OPHN1: variants seen among roughly 807,000 people sequenced by gnomAD.
OPHN1 encodes the protein oligophrenin-1.
Under a neutral mutation model 60.7 loss-of-function variants are expected in OPHN1, and 11 were observed. The ratio of observed to expected loss-of-function variants is 0.18; its 90% CI spans 0.11 to 0.30. OPHN1 has a LOEUF of 0.30. OPHN1 is among the 10% of genes least tolerant of loss of function. The pLI, the probability that OPHN1 is intolerant of heterozygous loss-of-function variation, is 1.00. For missense variants in OPHN1, 449 were observed against 611.0 expected, an observed-to-expected ratio of 0.73 and a Z score of 2.80; for synonymous variants, 226 against 222.6, an observed-to-expected ratio of 1.02 and a Z score of -0.14.
intron 2 of OPHN1, among the ~76,000 whole-genome samples, chrX:68,377,955 A>T (rs1756778197): frequency 8.9e-6 from 1 of 111,926 alleles, no homozygotes; most frequent in South Asian, 3.7e-4. Flanking sequence ...CAGTAATGGG[A>T]TGGCTGGGTC....
chrX:68,359,883 G>C (rs1414405657), intron 2 of OPHN1, among the ~76,000 whole-genome samples: 7 of 58,458 alleles, frequency 1.2e-4, no homozygotes, highest in Non-Finnish European at 1.9e-4. Context: ...AAAAAAAAAA[G>C]AATTGCCTAG....
At chrX:68,367,196 C>A (rs1336467685) in intron 2 of OPHN1, among the ~76,000 whole-genome samples, 1 of 108,571 alleles carries the variant, frequency 9.2e-6, no homozygotes, top group African/African-American at 3.4e-5. Context: ...ACTAAAAATA[C>A]AAAAAAAATT....
chrX:68,343,782 T>C (rs1402301316), intron 2 of OPHN1, among the ~76,000 whole-genome samples: 1 of 111,755 alleles, frequency 8.9e-6, no homozygotes, highest in Non-Finnish European at 1.9e-5. Context: ...TGAATAGCTC[T>C]TGTGACTCAG....
rs1485923928 is a variant in OPHN1 at position 68,151,139 on chromosome X, T to C, written c.1277-31807A>G. On this transcript the variant is annotated intron_variant, in intron 15 of 24. Transcript: ENST00000355520. ...CAGACAGCTGCCTAGAGGCCAGAGG[T>C]TGGCAAACTTTTTCTGTAAAGGGCC... 1.2e-4 allele frequency among the ~76,000 whole-genome samples: 13 copies of C among 111,541 alleles called. No homozygotes were observed. The East Asian group carries it at 3.4e-3, about 29-fold the overall frequency.
chrX:68,062,529 G>A (rs934019301), intron 21 of OPHN1, among the ~76,000 whole-genome samples: 1 of 112,066 alleles, frequency 8.9e-6, no homozygotes, highest in Non-Finnish European at 1.9e-5. Context: ...GGGCCCAATC[G>A]GGTCCACAGG....
At chrX:68,416,735 G>A (rs1419457908) in intron 2 of OPHN1, among the ~76,000 whole-genome samples, 1 of 112,023 alleles carries the variant, frequency 8.9e-6, no homozygotes, top group Non-Finnish European at 1.9e-5. Context: ...AAACTCAGCA[G>A]AAGCTGGACA....
intron 2 of OPHN1, among the ~76,000 whole-genome samples, chrX:68,344,390 C>T (rs1294914196): frequency 9.3e-6 from 1 of 107,839 alleles, no homozygotes; most frequent in Non-Finnish European, 1.9e-5. Flanking sequence ...GGCAGGCAGA[C>T]CAATTGAGGT....
intron 2 of OPHN1, among the ~76,000 whole-genome samples, chrX:68,376,368 G>C (rs752829854): frequency 1.8e-5 from 2 of 111,684 alleles, no homozygotes; most frequent in African/African-American, 6.5e-5. Flanking sequence ...AATATGGCAC[G>C]GAAGAGCACT....
intron 2 of OPHN1, among the ~76,000 whole-genome samples, chrX:68,361,593 A>C (rs1180526936): frequency 9.0e-6 from 1 of 111,175 alleles, no homozygotes; most frequent in Non-Finnish European, 1.9e-5. Context: ...GAACCCTACA[A>C]ATGCTCAATT....
chrX:68,260,616 T>G (rs1237402401), intron 5 of OPHN1, among the ~76,000 whole-genome samples: 1 of 111,263 alleles, frequency 9.0e-6, no homozygotes, highest in Non-Finnish European at 1.9e-5. Context: ...ATAATAATAA[T>G]TGAAAGGACA....
chrX:68,341,680 T>C (rs990731568), intron 2 of OPHN1, among the ~76,000 whole-genome samples: 2 of 109,256 alleles, frequency 1.8e-5, no homozygotes, highest in African/African-American at 6.6e-5. Flanking sequence ...CAAAAAAATA[T>C]ATAAAAAATT....
At chrX:68,401,660 A>T (rs1358779810) in intron 2 of OPHN1, among the ~76,000 whole-genome samples, 1 of 112,031 alleles carries the variant, frequency 8.9e-6, no homozygotes, top group East Asian at 2.8e-4. Context: ...AGTTCAAATG[A>T]GGAAGAAATC....
At chrX:68,193,065 G>T in intron 14 of OPHN1, 72 bp from the exon 15 acceptor site, 1 of 784,068 alleles carries the variant, frequency 1.3e-6, no homozygotes, top group Admixed American at 2.2e-5. Context: ...GTACACTAGG[G>T]TCAATTCAGA....
intron 2 of OPHN1, among the ~76,000 whole-genome samples, chrX:68,411,584 G>A (rs2078769848): frequency 8.9e-6 from 1 of 112,009 alleles, no homozygotes. Context: ...AAAAGTGTCA[G>A]TCGTGTCCTT....
chrX:68,190,021 C>A (rs2014297750), intron 15 of OPHN1, among the ~76,000 whole-genome samples: 1 of 109,850 alleles, frequency 9.1e-6, no homozygotes, highest in African/African-American at 3.3e-5. Context: ...AACCAAAAGG[C>A]AATGGATGTT....
At chrX:68,098,039 T>A (rs1168780338) in intron 18 of OPHN1, among the ~76,000 whole-genome samples, 1 of 111,214 alleles carries the variant, frequency 9.0e-6, no homozygotes, top group Non-Finnish European at 1.9e-5. Context: ...TGGGGTTGTC[T>A]GGTTATACCA....
chrX:68,212,591 AAAAC>A (rs965279311), intron 7 of OPHN1, among the ~76,000 whole-genome samples: 3 of 111,503 alleles, frequency 2.7e-5, no homozygotes, highest in African/African-American at 6.5e-5. Flanking sequence ...AAAAAAACAA[AAAAC>A]AAACAAACAA....
intron 5 of OPHN1, among the ~76,000 whole-genome samples, chrX:68,238,161 T>G (rs776425665): frequency 8.9e-6 from 1 of 112,048 alleles, no homozygotes; most frequent in African/African-American, 3.2e-5. Flanking sequence ...TGATGTTACG[T>G]AGGAATCCAG....
rs375581127 is a variant in OPHN1 at position 68,336,107 on chromosome X, C to T, written c.155-37011G>A. Among the ~76,000 whole-genome samples, 10 of 110,917 alleles carry T rather than the reference C, an allele frequency of 9.0e-5. No homozygotes were observed. The East Asian group carries it at 1.7e-3, about 19-fold the overall frequency. ...TCTTGAATCTCAAAGCAGTTGACCA[C>T]AGAGAGTAATTCAAATTCACATAAA... On this transcript the variant is annotated intron_variant, in intron 2 of 24. Coordinates refer to ENST00000355520, the MANE Select transcript of OPHN1 (RefSeq NM_002547.3).
Sources: allele counts gnomAD v4.1 joint callset (sites outside exome capture counted in the v4.1 genomes callset), GRCh38; gene constraint gnomAD v4.1.1; transcripts MANE v1.5; gene names NCBI Gene and HGNC (gene_info 2026-07-23, HGNC 2026-07-21).